PSPC1: variants seen among roughly 807,000 people sequenced by gnomAD.
PSPC1 encodes paraspeckle component 1.
A neutral mutation model predicts 51.6 loss-of-function variants in PSPC1; 14 were observed. The ratio of observed to expected loss-of-function variants is 0.27; its 90% CI spans 0.18 to 0.42. The LOEUF (loss-of-function observed/expected upper bound fraction) is 0.42. Ranked by LOEUF, PSPC1 falls within the 10% of genes least tolerant of loss-of-function variation. The pLI is 1.00. For synonymous variants in PSPC1, 193 were observed against 231.9 expected, an observed-to-expected ratio of 0.83 and a Z score of 1.53; for missense variants, 406 against 701.1, an observed-to-expected ratio of 0.58 and a Z score of 4.75.
chr13:19,671,692 A>G (rs938638063), downstream of PSPC1: 43 of 684,140 alleles, frequency 6.3e-5, no homozygotes, highest in Admixed American at 2.7e-4. Context: ...TAAAATGGCA[A>G]TGATCTAACA....
At position 19,687,569 on chromosome 13, in the gene PSPC1, C is replaced by G. The variant is rs145657413; in HGVS notation, c.1159-9746G>C. On this transcript the variant is annotated intron_variant and NMD_transcript_variant, in intron 6 of 7. Coordinates refer to the PSPC1 transcript ENST00000471658. ...CTTTCTAGATGGCACAGGGCCCCAA[C>G]CCTTCCATCTGCCCTTTCTCCTCTT... 4.9e-4 allele frequency among the ~76,000 whole-genome samples: 75 copies of G among 152,282 alleles called. 2 individuals are homozygous for G. Among genetic ancestry groups the G allele is most frequent in the Admixed American group, 4.8e-3 (73 of 15,282 alleles).
At chr13:19,672,007 T>G, downstream of PSPC1, 1 of 861,240 alleles carries the variant, frequency 1.2e-6, no homozygotes, top group Non-Finnish European at 1.9e-6. Flanking sequence ...GCCTGTTGTC[T>G]GTTGTAGTCT....
At chr13:19,696,417 G>A (rs528195388) in intron 6 of PSPC1, among the ~76,000 whole-genome samples, 2 of 152,044 alleles carry the variant, frequency 1.3e-5, no homozygotes, top group African/African-American at 4.8e-5. Context: ...TGTCAATACA[G>A]CAAATAGATG....
chr13:19,680,462 CACAATGAGCTACT>C (rs1311331708), intron 6 of PSPC1, among the ~76,000 whole-genome samples: 1 of 152,192 alleles, frequency 6.6e-6, no homozygotes, highest in Admixed American at 6.5e-5. Flanking sequence ...ATAAAACCAT[CACAATGAGCTACT>C]ACACATCTAT....
At chr13:19,674,542 T>C (rs902160154), downstream of PSPC1, 1 of 152,120 alleles carries the variant, frequency 6.6e-6, no homozygotes, top group Non-Finnish European at 1.5e-5. Flanking sequence ...GCTGACTGTT[T>C]GTTTGTTAAT....
intron 6 of PSPC1, among the ~76,000 whole-genome samples, chr13:19,686,105 T>C (rs984251350): frequency 2.0e-5 from 3 of 152,176 alleles, no homozygotes; most frequent in African/African-American, 4.8e-5. Context: ...CAATTCTCTA[T>C]TAAGTAGCTA....
intron 7 of PSPC1, among the ~76,000 whole-genome samples, chr13:19,707,599 C>T (rs924816854): frequency 6.6e-6 from 1 of 152,068 alleles, no homozygotes; most frequent in African/African-American, 2.4e-5. Context: ...ATAAACTGGG[C>T]TTTAGGAGAG....
intron 1 of PSPC1, among the ~76,000 whole-genome samples, chr13:19,774,676 G>T (rs1363709180): frequency 6.6e-6 from 1 of 151,922 alleles, no homozygotes; most frequent in Non-Finnish European, 1.5e-5. Flanking sequence ...ATGGTGGTAA[G>T]CGCCTGTAGT....
At chr13:19,774,893 G>A (rs1184736691) in intron 1 of PSPC1, among the ~76,000 whole-genome samples, 1 of 151,510 alleles carries the variant, frequency 6.6e-6, no homozygotes, top group Non-Finnish European at 1.5e-5. Flanking sequence ...AAAATTGACA[G>A]GCAGGGTAAG....
At chr13:19,697,373 A>T (rs1030937927) in intron 6 of PSPC1, among the ~76,000 whole-genome samples, 1 of 152,168 alleles carries the variant, frequency 6.6e-6, no homozygotes, top group African/African-American at 2.4e-5. Flanking sequence ...AATTTAGAGG[A>T]CAAGTTTTTT....
chr13:19,727,942 T>C (rs1211116575), intron 6 of PSPC1, among the ~76,000 whole-genome samples: 2 of 152,202 alleles, frequency 1.3e-5, no homozygotes, highest in Admixed American at 6.5e-5. Flanking sequence ...TTGAATGTTA[T>C]CCTAAATGAG....
chr13:19,682,314 C>T (rs190412526), intron 6 of PSPC1, among the ~76,000 whole-genome samples: 4 of 152,164 alleles, frequency 2.6e-5, no homozygotes, highest in African/African-American at 9.6e-5. Flanking sequence ...TTTCAGAATT[C>T]TAATAAAGCT....
At chr13:19,772,148 T>C (rs1235582092) in intron 2 of PSPC1, 94 bp downstream of exon 2, 2 of 1,323,126 alleles carry the variant, frequency 1.5e-6, no homozygotes, top group Non-Finnish European at 2.1e-6. Flanking sequence ...ACTTACCATA[T>C]GCTAGTATGA....
At chr13:19,758,479 C>T (rs1286443978) in intron 3 of PSPC1, among the ~76,000 whole-genome samples, 6 of 152,158 alleles carry the variant, frequency 3.9e-5, no homozygotes, top group Non-Finnish European at 8.8e-5. Context: ...CTGCTCTACC[C>T]TGGCACACCA....
chr13:19,775,363 T>C (rs996577776), intron 1 of PSPC1, among the ~76,000 whole-genome samples: 2 of 131,220 alleles, frequency 1.5e-5, no homozygotes, highest in Non-Finnish European at 3.3e-5. Context: ...AAAAAATAAA[T>C]AGACAAAAAA....
downstream of PSPC1, among the ~76,000 whole-genome samples, chr13:19,701,098 T>G (rs1301275964): frequency 6.6e-6 from 1 of 152,160 alleles, no homozygotes; most frequent in Non-Finnish European, 1.5e-5. Context: ...AACTCTGTTC[T>G]TGGTGCCAGA....
At chr13:19,677,823 C>T (rs1237081807) in exon 7 of PSPC1, 1 of 487,408 alleles carries the variant, frequency 2.1e-6, no homozygotes, top group East Asian at 5.6e-5. Flanking sequence ...CTTTTATCAC[C>T]CTAGAAATAC....
chr13:19,710,389 G>A (rs1216735943), intron 6 of PSPC1, among the ~76,000 whole-genome samples: 1 of 152,022 alleles, frequency 6.6e-6, no homozygotes, highest in Admixed American at 6.6e-5. Flanking sequence ...AATTTCTCAA[G>A]ATAACATAGG....
chr13:19,782,762 C>G lies in PSPC1; in HGVS notation c.-5G>C, dbSNP rs1365900102. The G allele has an allele frequency of 6.5e-7, 1 of 1,536,904 alleles. No individual in the cohort carries two copies. ...CAGGTTTCCTCTTAACATCATCTTA[C>G]TGAGTTCGCCTCGGACACCGGATAC... On this transcript the variant is annotated 5_prime_UTR_variant, in exon 1 of 9. Coordinates refer to ENST00000338910, the MANE Select transcript of PSPC1 (RefSeq NM_001354909.2). This position sits in a 1 kb window ranked among gnomAD's most constrained non-coding sequence, Gnocchi z 4.5.
Sources: gnomAD v4.1 joint callset for allele counts (sites outside exome capture counted in the v4.1 genomes callset) on GRCh38, gnomAD v4.1.1 for gene constraint, Gnocchi (gnomAD v3.1) non-coding constraint, MANE v1.5 for transcripts, NCBI Gene and HGNC (gene_info 2026-07-23, HGNC 2026-07-21) for gene names.